ZFPM2: variants seen among roughly 807,000 people sequenced by gnomAD.
ZFPM2 encodes the protein zinc finger protein ZFPM2.
In ZFPM2, 20 loss-of-function variants were observed where a neutral mutation model predicts 98.6. The observed-to-expected ratio is 0.20, with a 90% confidence interval of 0.14 to 0.29. ZFPM2 has a LOEUF of 0.29. Ranked by LOEUF, ZFPM2 falls within the 10% of genes least tolerant of loss-of-function variation. ZFPM2 has a pLI of 1.00. For synonymous variants in ZFPM2, 518 were observed against 502.7 expected (o/e 1.03, Z -0.41); for missense variants, 1,310 against 1,388.6 (o/e 0.94, Z 0.90).
intron 4 of ZFPM2, among the ~76,000 whole-genome samples, chr8:105,562,235 A>G (rs2130701240): frequency 6.6e-6 from 1 of 152,100 alleles, no homozygotes; most frequent in Non-Finnish European, 1.5e-5. Flanking sequence ...GCTTGAACCC[A>G]GAAGGCAGAG....
intron 4 of ZFPM2, among the ~76,000 whole-genome samples, chr8:105,607,963 C>G (rs4791860): frequency 6.6e-6 from 1 of 151,690 alleles, no homozygotes; most frequent in Non-Finnish European, 1.5e-5. Context: ...AGTGACAGAT[C>G]GGATAAAGAA....
At position 105,471,664 on chromosome 8, in the gene ZFPM2, G is replaced by T. The variant is rs536401601; in HGVS notation, c.301+27283G>T. On this transcript the variant is annotated intron_variant, in intron 3 of 7. Coordinates refer to ENST00000407775, the MANE Select transcript of ZFPM2 (RefSeq NM_012082.4). ...GTGAGTTGGAGGAGGTTGATGGTAC[G>T]CAAGCGGAACCTTTTACATCCTCTC... Among the ~76,000 whole-genome samples the T allele has an allele frequency of 5.5e-4, 84 of 152,250 alleles. 1 individual carries two copies. The South Asian group carries it at 0.017, about 31-fold the overall frequency.
chr8:105,357,097 GTAC>G (rs141573056), intron 1 of ZFPM2, among the ~76,000 whole-genome samples: 38,528 of 151,914 alleles, frequency 0.25, 5,700 homozygotes, highest in Admixed American at 0.4. Context: ...CGGTGAAGTA[GTAC>G]TGCTCCCTGG....
At chr8:105,476,587 A>G (rs1813016641) in intron 3 of ZFPM2, among the ~76,000 whole-genome samples, 2 of 152,200 alleles carry the variant, frequency 1.3e-5, no homozygotes, top group South Asian at 4.1e-4. Flanking sequence ...GGTTAGTGTC[A>G]TACGCAATTT....
chr8:105,534,694 A>G (rs1312551769), intron 3 of ZFPM2, among the ~76,000 whole-genome samples: 1 of 152,148 alleles, frequency 6.6e-6, no homozygotes, highest in South Asian at 2.1e-4. Flanking sequence ...GTGAAAATAC[A>G]TGTGGCTGAA....
At chr8:105,709,871 A>C (rs888632136) in intron 5 of ZFPM2, among the ~76,000 whole-genome samples, 4 of 152,136 alleles carry the variant, frequency 2.6e-5, no homozygotes, top group African/African-American at 9.7e-5. Context: ...CAAAACTCAG[A>C]CCCATTTCAG....
At chr8:105,660,096 T>A (rs1393475622) in intron 5 of ZFPM2, among the ~76,000 whole-genome samples, 1 of 152,226 alleles carries the variant, frequency 6.6e-6, no homozygotes, top group Non-Finnish European at 1.5e-5. Context: ...AGCCAATCTT[T>A]TAAAACTGCC....
intron 2 of ZFPM2, 65 bp downstream of exon 2, chr8:105,419,367 A>T: frequency 6.4e-7 from 1 of 1,569,588 alleles, no homozygotes; most frequent in Non-Finnish European, 8.7e-7. Flanking sequence ...GTTTTAAAAA[A>T]ATGCATAATA....
At chr8:105,370,589 G>T (rs1405470375) in intron 1 of ZFPM2, among the ~76,000 whole-genome samples, 1 of 152,178 alleles carries the variant, frequency 6.6e-6, no homozygotes, top group South Asian at 2.1e-4. Flanking sequence ...AATAAAAGGG[G>T]CTATTACAGC....
intron 3 of ZFPM2, among the ~76,000 whole-genome samples, chr8:105,551,494 C>A (rs1586456991): frequency 1.3e-5 from 2 of 152,252 alleles, no homozygotes. Flanking sequence ...ATTTAAAAAT[C>A]TGTAATGGAA....
chr8:105,767,121 G>C (rs1241748891), intron 5 of ZFPM2, among the ~76,000 whole-genome samples: 3 of 151,900 alleles, frequency 2.0e-5, no homozygotes, highest in Non-Finnish European at 4.4e-5. Flanking sequence ...TTTTAAAACA[G>C]TGGAGATGGA....
chr8:105,485,256 C>T (rs1484137806), intron 3 of ZFPM2, among the ~76,000 whole-genome samples: 1 of 152,112 alleles, frequency 6.6e-6, no homozygotes, highest in Non-Finnish European at 1.5e-5. Context: ...AGCATCAGTC[C>T]AGGGGTTACT....
At chr8:105,597,428 A>C (rs545526556) in intron 4 of ZFPM2, among the ~76,000 whole-genome samples, 11 of 152,106 alleles carry the variant, frequency 7.2e-5, no homozygotes, top group African/African-American at 2.6e-4. Context: ...GTTAATGAGA[A>C]AAAGAGAGCA....
intron 4 of ZFPM2, among the ~76,000 whole-genome samples, chr8:105,577,438 T>G (rs1815491202): frequency 6.9e-6 from 1 of 145,816 alleles, no homozygotes; most frequent in African/African-American, 2.6e-5. Context: ...TTTATACTCT[T>G]AACTTACACA....
intron 3 of ZFPM2, among the ~76,000 whole-genome samples, chr8:105,548,083 C>T (rs899396396): frequency 5.9e-5 from 9 of 151,746 alleles, no homozygotes; most frequent in Non-Finnish European, 7.4e-5. Flanking sequence ...TTTCAGACAT[C>T]ACACCATTAG....
At chr8:105,550,327 T>C (rs1473056903) in intron 3 of ZFPM2, among the ~76,000 whole-genome samples, 1 of 152,184 alleles carries the variant, frequency 6.6e-6, no homozygotes, top group Non-Finnish European at 1.5e-5. Context: ...GCTGATATGA[T>C]AGTGGGTTTG....
chr8:105,711,150 A>G (rs1811386028), intron 5 of ZFPM2, among the ~76,000 whole-genome samples: 1 of 152,188 alleles, frequency 6.6e-6, no homozygotes, highest in African/African-American at 2.4e-5. Context: ...GAGTTTAAAA[A>G]TAAAATGCCA....
At chr8:105,583,159 G>T (rs1815639469) in intron 4 of ZFPM2, among the ~76,000 whole-genome samples, 1 of 151,776 alleles carries the variant, frequency 6.6e-6, no homozygotes, top group Admixed American at 6.6e-5. Flanking sequence ...ATCCATGTTT[G>T]GAATTTATTA....
chr8:105,801,495 G>C lies in ZFPM2; in HGVS notation c.1413G>C (p.Lys471Asn), dbSNP rs1436382829. 1.2e-6 allele frequency: 2 copies of C among 1,613,790 alleles called. No individual in the cohort carries two copies. Among genetic ancestry groups the C allele is most frequent in the African/African-American group, 2.7e-5 (2 of 74,908 alleles). The change falls in exon 8 of 8, where the codon AAG becomes AAC. Residue 471 changes from lysine to asparagine, a missense_variant. Lys to Asn is a moderately conservative substitution (Grantham distance 94). Coordinates refer to ENST00000407775, the MANE Select transcript of ZFPM2 (RefSeq NM_012082.4). Reference protein sequence around the residue: ...NKQSFSYTKIKSEPSSPRLAS... With the variant: ...NKQSFSYTKINSEPSSPRLAS... ...AAAGCTTTTCTTACACAAAAATAAAGTCTGAGCCCTCTAGCCCAAGACTTG... is the reference window on the plus strand; with the variant it reads ...AAAGCTTTTCTTACACAAAAATAAACTCTGAGCCCTCTAGCCCAAGACTTG...
Sources: allele counts gnomAD v4.1 joint callset (sites outside exome capture counted in the v4.1 genomes callset), GRCh38; gene constraint gnomAD v4.1.1; transcripts MANE v1.5; gene names NCBI Gene and HGNC (gene_info 2026-07-23, HGNC 2026-07-21).